ESRRG: variants seen among roughly 807,000 people sequenced by gnomAD.
ESRRG encodes the protein estrogen related receptor gamma.
A neutral mutation model predicts 44.0 loss-of-function variants in ESRRG; 13 were observed. The observed-to-expected ratio is 0.30, with a 90% CI of 0.19 to 0.47. The LOEUF (loss-of-function observed/expected upper bound fraction) is 0.47, where lower values mean the gene tolerates loss of function less well. ESRRG is among the 20% of genes least tolerant of loss of function. ESRRG has a pLI of 1.00. For synonymous variants in ESRRG, 215 were observed against 214.6 expected (o/e 1.00, Z -0.02); for missense variants, 395 against 580.6 (o/e 0.68, Z 3.29).
chr1:216,975,641 C>A (rs940309857), intron 1 of ESRRG, among the ~76,000 whole-genome samples: 2 of 152,194 alleles, frequency 1.3e-5, no homozygotes, highest in African/African-American at 4.8e-5. Context: ...CAATTCTCAA[C>A]CTTTATATAG....
intron 2 of ESRRG, among the ~76,000 whole-genome samples, chr1:216,791,198 T>C (rs1451152774): frequency 1.3e-5 from 2 of 152,066 alleles, no homozygotes; most frequent in African/African-American, 2.4e-5. Flanking sequence ...GTTTGGATCA[T>C]GGGGGCAGAT....
At chr1:216,936,508 AAC>A (rs144427959) in intron 2 of ESRRG, among the ~76,000 whole-genome samples, 7 of 150,720 alleles carry the variant, frequency 4.6e-5, no homozygotes, top group Non-Finnish European at 8.9e-5. Context: ...CACACACACA[AAC>A]ACACACACAC....
chr1:217,036,659 A>AT (rs1190782888), intron 1 of ESRRG, among the ~76,000 whole-genome samples: 1 of 152,096 alleles, frequency 6.6e-6, no homozygotes, highest in Admixed American at 6.6e-5. Context: ...ACTGGGGCCT[A>AT]TTGGAGGGTG....
At chr1:216,841,885 G>A (rs2095659234) in intron 2 of ESRRG, among the ~76,000 whole-genome samples, 1 of 151,890 alleles carries the variant, frequency 6.6e-6, no homozygotes, top group South Asian at 2.1e-4. Flanking sequence ...GGTTTAGAAT[G>A]GTACAGATGA....
At chr1:216,821,732 A>G in intron 2 of ESRRG, among the ~76,000 whole-genome samples, 1 of 146,754 alleles carries the variant, frequency 6.8e-6, no homozygotes, top group Non-Finnish European at 1.5e-5. Flanking sequence ...AAATAAATAA[A>G]TAAATAAATA....
intron 2 of ESRRG, among the ~76,000 whole-genome samples, chr1:216,652,006 T>A (rs1190069481): frequency 1.3e-5 from 2 of 152,130 alleles, no homozygotes; most frequent in Non-Finnish European, 2.9e-5. Flanking sequence ...TTCTCCCCAA[T>A]CAGCTCTGTC....
intron 3 of ESRRG, among the ~76,000 whole-genome samples, chr1:216,632,389 A>G (rs1004868040): frequency 6.6e-6 from 1 of 152,216 alleles, no homozygotes; most frequent in Non-Finnish European, 1.5e-5. Context: ...TTCCAATTTC[A>G]AGTAAAATAA....
chr1:216,936,422 T>C (rs2064157676), intron 2 of ESRRG, among the ~76,000 whole-genome samples: 1 of 152,076 alleles, frequency 6.6e-6, no homozygotes, highest in Non-Finnish European at 1.5e-5. Flanking sequence ...GGTTGATGAC[T>C]ATTAATGTGA....
chr1:216,819,300 C>G (rs2095235588), intron 2 of ESRRG, among the ~76,000 whole-genome samples: 1 of 152,188 alleles, frequency 6.6e-6, no homozygotes, highest in South Asian at 2.1e-4. Flanking sequence ...TCATTAATGA[C>G]CCTTTATTGT....
At chr1:216,606,208 T>G (rs2059915293) in intron 3 of ESRRG, among the ~76,000 whole-genome samples, 1 of 152,260 alleles carries the variant, frequency 6.6e-6, no homozygotes, top group South Asian at 2.1e-4. Context: ...GCCTCCCCAT[T>G]GTAGATTCAA....
At chr1:216,919,329 G>T (rs1042410821) in intron 2 of ESRRG, among the ~76,000 whole-genome samples, 1 of 152,108 alleles carries the variant, frequency 6.6e-6, no homozygotes, top group Admixed American at 6.6e-5. Context: ...ATGTGGCACG[G>T]ATAATTTTAT....
intron 1 of ESRRG, among the ~76,000 whole-genome samples, chr1:216,687,745 T>G (rs1357976843): frequency 6.6e-6 from 1 of 152,200 alleles, no homozygotes; most frequent in East Asian, 1.9e-4. Flanking sequence ...GCCGTGTCTT[T>G]TTACATGGTG....
chr1:216,512,345 A>T (rs2042965204), intron 6 of ESRRG, among the ~76,000 whole-genome samples: 1 of 152,218 alleles, frequency 6.6e-6, no homozygotes, highest in African/African-American at 2.4e-5. Flanking sequence ...AATCTTCAAA[A>T]TCCAGACACT....
At chr1:216,551,417 T>C (rs567771285) in intron 5 of ESRRG, among the ~76,000 whole-genome samples, 2 of 152,266 alleles carry the variant, frequency 1.3e-5, no homozygotes, top group Admixed American at 6.5e-5. Context: ...AATATCCTAG[T>C]TGATGTTTTG....
At chr1:217,023,778 T>A (rs942403288) in intron 1 of ESRRG, among the ~76,000 whole-genome samples, 1 of 151,972 alleles carries the variant, frequency 6.6e-6, no homozygotes, top group Non-Finnish European at 1.5e-5. Flanking sequence ...AGGTTAGGGA[T>A]GGGAAAGGAG....
At chr1:217,033,496 CT>C (rs1406861330) in intron 1 of ESRRG, among the ~76,000 whole-genome samples, 3 of 151,994 alleles carry the variant, frequency 2.0e-5, no homozygotes, top group East Asian at 1.9e-4. Flanking sequence ...GTTTGGATGT[CT>C]TTTTTTTAAG....
intron 2 of ESRRG, among the ~76,000 whole-genome samples, chr1:216,748,866 G>C (rs1249063338): frequency 3.9e-5 from 6 of 152,082 alleles, no homozygotes; most frequent in African/African-American, 1.4e-4. Context: ...TGGTCTCCTT[G>C]GGGGCACCAC....
chr1:216,880,642 A>G (rs938894455), intron 2 of ESRRG, among the ~76,000 whole-genome samples: 1 of 152,142 alleles, frequency 6.6e-6, no homozygotes, highest in African/African-American at 2.4e-5. Context: ...TAGTATTTAC[A>G]TTTATAACAC....
intron 6 of ESRRG, among the ~76,000 whole-genome samples, chr1:216,517,429 C>A (rs1377767644): frequency 6.6e-6 from 1 of 152,164 alleles, no homozygotes; most frequent in African/African-American, 2.4e-5. Flanking sequence ...CATCCAATAT[C>A]TAAAATTATA....
Sources: gnomAD v4.1 joint callset for allele counts (sites outside exome capture counted in the v4.1 genomes callset) on GRCh38, gnomAD v4.1.1 for gene constraint, MANE v1.5 for transcripts, NCBI Gene and HGNC (gene_info 2026-07-23, HGNC 2026-07-21) for gene names.